TSHZ2: variants seen among roughly 807,000 people sequenced by gnomAD.
TSHZ2 encodes teashirt homolog 2.
TSHZ2 carries 21 observed loss-of-function variants against 74.4 expected under a neutral mutation model. That is an observed-to-expected ratio of 0.28 (90% CI 0.20 to 0.41). The LOEUF is 0.41. Among genes scored for constraint, TSHZ2 ranks in the 10% least tolerant of loss-of-function variants. The pLI, the probability that TSHZ2 is intolerant of heterozygous loss-of-function variation, is 1.00. For synonymous variants in TSHZ2, 540 were observed against 515.3 expected (o/e 1.05, Z -0.65); for missense variants, 1,244 against 1,293.5 (o/e 0.96, Z 0.59).
chr20:52,978,587 A>C (rs1420410182), intron 1 of TSHZ2, among the ~76,000 whole-genome samples: 1 of 152,210 alleles, frequency 6.6e-6, no homozygotes, highest in East Asian at 1.9e-4. Flanking sequence ...CGTTTGATGC[A>C]AAGTCAGTTG....
Position 53,061,869 on chromosome 20 carries a change from C to G in TSHZ2, c.40+88536C>G, listed in dbSNP as rs146952961. Among the ~76,000 whole-genome samples the G allele has an allele frequency of 9.9e-4, 150 of 152,284 alleles. 1 individual carries two copies. The Middle Eastern group carries it at 0.017, about 17-fold the overall frequency. On this transcript the variant is annotated intron_variant, in intron 1 of 2. Coordinates refer to ENST00000371497, the MANE Select transcript of TSHZ2 (RefSeq NM_173485.6). Reference sequence around the variant, plus strand: ...CCTCAAATCTCAGAGACATGGCCCACTTGAAATAAAGGTTAACAATCTTCA... The same window carrying G: ...CCTCAAATCTCAGAGACATGGCCCAGTTGAAATAAAGGTTAACAATCTTCA...
intron 2 of TSHZ2, among the ~76,000 whole-genome samples, chr20:53,423,030 T>C (rs1373765687): frequency 6.6e-6 from 1 of 151,926 alleles, no homozygotes; most frequent in African/African-American, 2.4e-5. Context: ...TGCAGTAATT[T>C]GCCCAAAAAA....
At position 53,283,065 on chromosome 20, in the gene TSHZ2, A is replaced by G. The variant is rs143408629; in HGVS notation, c.*8+26494A>G. Among the ~76,000 whole-genome samples the G allele has an allele frequency of 7.3e-4, 111 of 152,340 alleles. 1 individual carries two copies. The highest frequency in any genetic ancestry group is 2.6e-3 in the African/African-American group (108 of 41,584). On this transcript the variant is annotated intron_variant, in intron 2 of 2. Transcript: ENST00000371497. ...AGCCCTGAAGACACAAACTTTTATG[A>G]CAATCATAATTAACATGGAGTTAGC...
chr20:53,147,090 T>C (rs1189043528), intron 1 of TSHZ2, among the ~76,000 whole-genome samples: 1 of 152,110 alleles, frequency 6.6e-6, no homozygotes, highest in African/African-American at 2.4e-5. Flanking sequence ...TTGTGCCCAA[T>C]GTATTAATTA....
chr20:53,043,867 G>C (rs1050349554), intron 1 of TSHZ2, among the ~76,000 whole-genome samples: 1 of 151,974 alleles, frequency 6.6e-6, no homozygotes, highest in Non-Finnish European at 1.5e-5. Context: ...AAATTTAATA[G>C]TTTCTGGAAA....
Position 52,973,346 on chromosome 20 carries a change from G to GCTCC in TSHZ2, c.40+14_40+17dup, listed in dbSNP as rs1600623457. ...AAGCGGGCGGCAGGTAAGAGAAACG[G>GCTCC]CTCCGCTTCGGGGCTGCCCTGTGCG... On this transcript the variant is annotated intron_variant, in intron 1 of 2. Transcript: ENST00000371497. 6.4e-7 allele frequency: 1 copy of GCTCC among 1,551,186 alleles called. No homozygotes were observed. Among genetic ancestry groups the GCTCC allele is most frequent in the Admixed American group, 2.0e-5 (1 of 50,972 alleles).
intron 1 of TSHZ2, among the ~76,000 whole-genome samples, chr20:53,106,878 A>G (rs1171302004): frequency 6.6e-6 from 1 of 151,492 alleles, no homozygotes; most frequent in African/African-American, 2.4e-5. Flanking sequence ...TTGTATTTTT[A>G]GTAGAGACGG....
At chr20:53,392,352 G>A (rs1022681418) in intron 2 of TSHZ2, among the ~76,000 whole-genome samples, 2 of 152,158 alleles carry the variant, frequency 1.3e-5, no homozygotes, top group Non-Finnish European at 2.9e-5. Flanking sequence ...GCTAAGGCAG[G>A]AGAATCACTT....
intron 2 of TSHZ2, among the ~76,000 whole-genome samples, chr20:53,483,701 G>A (rs574172310): frequency 1.1e-4 from 17 of 152,232 alleles, no homozygotes; most frequent in African/African-American, 4.1e-4. Context: ...ACTATGTTTG[G>A]TTTGATTTTA....
intron 1 of TSHZ2, among the ~76,000 whole-genome samples, chr20:52,982,353 C>A (rs969349606): frequency 6.6e-6 from 1 of 152,094 alleles, no homozygotes; most frequent in Non-Finnish European, 1.5e-5. Context: ...AAGGAAGAAC[C>A]CTCAGTCTTA....
At chr20:53,141,152 G>A (rs1176194121) in intron 1 of TSHZ2, among the ~76,000 whole-genome samples, 1 of 152,172 alleles carries the variant, frequency 6.6e-6, no homozygotes, top group Non-Finnish European at 1.5e-5. Flanking sequence ...TGAGCCACGT[G>A]GGTACCACTG....
intron 1 of TSHZ2, among the ~76,000 whole-genome samples, chr20:53,134,789 T>G (rs1987199698): frequency 6.6e-6 from 1 of 152,216 alleles, no homozygotes; most frequent in African/African-American, 2.4e-5. Flanking sequence ...TCCCTCTTTA[T>G]GTACTGACCC....
intron 1 of TSHZ2, among the ~76,000 whole-genome samples, chr20:53,133,915 C>A (rs1198084568): frequency 7.6e-6 from 1 of 132,232 alleles, no homozygotes; most frequent in Non-Finnish European, 1.6e-5. Context: ...TGTAAGGGTT[C>A]TTTATAAAAA....
intron 2 of TSHZ2, among the ~76,000 whole-genome samples, chr20:53,394,086 A>T (rs971853595): frequency 1.3e-5 from 2 of 152,242 alleles, no homozygotes; most frequent in African/African-American, 4.8e-5. Context: ...GGACTTTTTA[A>T]CGGTTGCTGA....
At chr20:53,172,014 G>A (rs1377033164) in intron 1 of TSHZ2, among the ~76,000 whole-genome samples, 1 of 152,102 alleles carries the variant, frequency 6.6e-6, no homozygotes, top group Non-Finnish European at 1.5e-5. Flanking sequence ...AAAAATCATT[G>A]TAACTTACGA....
At chr20:53,142,842 C>T (rs1174663718) in intron 1 of TSHZ2, among the ~76,000 whole-genome samples, 1 of 151,700 alleles carries the variant, frequency 6.6e-6, no homozygotes, top group Non-Finnish European at 1.5e-5. Flanking sequence ...AAAAAATGCT[C>T]TGCTTAATAC....
intron 1 of TSHZ2, among the ~76,000 whole-genome samples, chr20:53,165,449 G>C (rs368885799): frequency 1.3e-5 from 2 of 152,158 alleles, no homozygotes; most frequent in South Asian, 4.1e-4. Flanking sequence ...TCACATTGTC[G>C]TGGTGGCGAT....
chr20:53,457,468 T>C (rs1401555555), intron 2 of TSHZ2, among the ~76,000 whole-genome samples: 2 of 122,844 alleles, frequency 1.6e-5, no homozygotes, highest in East Asian at 2.4e-4. Flanking sequence ...GCTGAGACAA[T>C]GGGGTTTTCT....
In TSHZ2 at chr20:53,116,251, C is replaced by CAAA. The variant is rs1245362831; in HGVS notation, c.41-137247_41-137246insAAA. 3.1e-3 allele frequency among the ~76,000 whole-genome samples: 472 copies of CAAA among 152,250 alleles called. 2 individuals are homozygous for CAAA. The highest frequency in any genetic ancestry group is 0.011 in the African/African-American group (459 of 41,562). ...TTCAAAATGATGAAAAAGGAATGCA[C>CAAA]ATTTAAGGAGGGAGGGGAGATGCCC... On this transcript the variant is annotated intron_variant, in intron 1 of 2. Coordinates refer to ENST00000371497, the MANE Select transcript of TSHZ2 (RefSeq NM_173485.6).
Sources: allele counts gnomAD v4.1 joint callset (sites outside exome capture counted in the v4.1 genomes callset), GRCh38; gene constraint gnomAD v4.1.1; transcripts MANE v1.5; gene names NCBI Gene and HGNC (gene_info 2026-07-23, HGNC 2026-07-21).